The following GULP1 variants were observed in gnomAD, a reference collection of about 807,000 sequenced individuals.
GULP1 encodes the protein PTB domain-containing engulfment adapter protein 1.
A neutral mutation model predicts 40.9 loss-of-function variants in GULP1; 19 were observed. The ratio of observed to expected loss-of-function variants is 0.46; its 90% CI spans 0.32 to 0.68. GULP1 has a LOEUF of 0.68. Ranked by LOEUF, GULP1 falls within the 30% of genes least tolerant of loss-of-function variation. GULP1 has a pLI of 0.03. For synonymous variants in GULP1, 119 were observed against 117.6 expected, an observed-to-expected ratio of 1.01 and a Z score of -0.08; for missense variants, 312 against 362.2, an observed-to-expected ratio of 0.86 and a Z score of 1.12.
chr2:188,464,305 T>A (rs1339162815), intron 2 of GULP1, among the ~76,000 whole-genome samples: 1 of 152,176 alleles, frequency 6.6e-6, no homozygotes, highest in East Asian at 1.9e-4. Flanking sequence ...CCCAAAGAAT[T>A]CTCTGGATTA....
At chr2:188,324,263 T>C (rs1417147774) in intron 1 of GULP1, among the ~76,000 whole-genome samples, 2 of 152,066 alleles carry the variant, frequency 1.3e-5, no homozygotes, top group Admixed American at 1.3e-4. Context: ...ACTAAATGAG[T>C]AAATGACTGA....
chr2:188,334,173 A>G (rs2041972620), intron 1 of GULP1, among the ~76,000 whole-genome samples: 1 of 152,242 alleles, frequency 6.6e-6, no homozygotes, highest in African/African-American at 2.4e-5. Context: ...GTAGAATTAC[A>G]TGCTCTTTTG....
At chr2:188,324,586 G>A (rs751882832) in intron 1 of GULP1, among the ~76,000 whole-genome samples, 10 of 151,502 alleles carry the variant, frequency 6.6e-5, no homozygotes, top group South Asian at 2.1e-4. Flanking sequence ...ATTTAAATTG[G>A]TATTTAAGAA....
In GULP1 at chr2:188,422,405, CAT is replaced by C. The variant is rs144618546; in HGVS notation, c.-45+38531_-45+38532del. ...GTATATGTATACACACACACATATA[CAT>C]ATATATATATATATTCATAATTAAA... On this transcript the variant is annotated intron_variant, in intron 2 of 11. Coordinates refer to ENST00000409830, the MANE Select transcript of GULP1 (RefSeq NM_016315.4). Among the ~76,000 whole-genome samples, 1,030 of 148,122 alleles carry C rather than the reference CAT, an allele frequency of 7.0e-3. 8 individuals carry two copies. The highest frequency in any genetic ancestry group is 0.021 in the African/African-American group (864 of 40,730).
At chr2:188,311,480 G>C (rs1183852576) in intron 1 of GULP1, among the ~76,000 whole-genome samples, 2 of 152,132 alleles carry the variant, frequency 1.3e-5, no homozygotes, top group East Asian at 3.8e-4. Context: ...ATAGGCGTGA[G>C]CCACCATGCA....
At position 188,594,069 on chromosome 2, in the gene GULP1, A is replaced by G. The variant is rs1704107439; in HGVS notation, c.*58A>G. On this transcript the variant is annotated 3_prime_UTR_variant, in exon 12 of 12. Transcript: ENST00000409830. Reference sequence around the variant, plus strand: ...ATGTGTTTGTATACACATGTCATTTATTATTATTACTTTAAGATAGGTATT... The same window carrying G: ...ATGTGTTTGTATACACATGTCATTTGTTATTATTACTTTAAGATAGGTATT... 13 of 878,636 alleles carry G rather than the reference A, an allele frequency of 1.5e-5. No individual in the cohort carries two copies. In the South Asian group the frequency reaches 1.9e-4, roughly 13 times the overall value. The allele number at this position is 878,636 out of a possible 1,614,324, so 54.4% of individuals were successfully genotyped here.
intron 2 of GULP1, among the ~76,000 whole-genome samples, chr2:188,450,316 C>T (rs746042861): frequency 7.2e-5 from 11 of 152,036 alleles, no homozygotes; most frequent in Non-Finnish European, 1.2e-4. Flanking sequence ...TGTATGTAAT[C>T]ACTCTAGGTT....
At chr2:188,569,507 C>T in intron 8 of GULP1, 152 bp downstream of exon 8, 1 of 642,904 alleles carries the variant, frequency 1.6e-6, no homozygotes, top group South Asian at 1.7e-5. Context: ...ATTTTTCGTT[C>T]CTGATCCCCT....
intron 1 of GULP1, among the ~76,000 whole-genome samples, chr2:188,335,164 A>G (rs1281445001): frequency 6.6e-6 from 1 of 152,236 alleles, no homozygotes; most frequent in Non-Finnish European, 1.5e-5. Flanking sequence ...TTAGTGCCAG[A>G]CTAGAAAGGT....
At chr2:188,535,286 A>C (rs973976012) in intron 6 of GULP1, among the ~76,000 whole-genome samples, 1 of 152,068 alleles carries the variant, frequency 6.6e-6, no homozygotes, top group African/African-American at 2.4e-5. Flanking sequence ...TGATTCCATC[A>C]CCCAGATAGT....
chr2:188,431,543 T>C (rs1441509882), intron 2 of GULP1, among the ~76,000 whole-genome samples: 2 of 152,150 alleles, frequency 1.3e-5, no homozygotes, highest in African/African-American at 4.8e-5. Flanking sequence ...AGTAAAGAAA[T>C]CTTGTTATAC....
intron 1 of GULP1, among the ~76,000 whole-genome samples, chr2:188,322,559 C>T (rs1348574802): frequency 6.6e-6 from 1 of 152,068 alleles, no homozygotes; most frequent in African/African-American, 2.4e-5. Flanking sequence ...TATTCTTTTA[C>T]CAGGTATTTC....
At chr2:188,415,426 A>G (rs1011765239) in intron 2 of GULP1, among the ~76,000 whole-genome samples, 5 of 152,134 alleles carry the variant, frequency 3.3e-5, no homozygotes, top group African/African-American at 1.2e-4. Flanking sequence ...GAAAAGTTTA[A>G]TGGTAATTCC....
At chr2:188,560,484 T>C (rs1233721550) in intron 7 of GULP1, among the ~76,000 whole-genome samples, 1 of 152,218 alleles carries the variant, frequency 6.6e-6, no homozygotes, top group Non-Finnish European at 1.5e-5. Context: ...TTTCCCATCT[T>C]CTGAGCCCTT....
At chr2:188,524,728 C>G (rs2153229062) in intron 5 of GULP1, among the ~76,000 whole-genome samples, 1 of 150,058 alleles carries the variant, frequency 6.7e-6, no homozygotes, top group South Asian at 2.1e-4. Flanking sequence ...GGTGGTGTGG[C>G]TCTACTAAAA....
intron 4 of GULP1, among the ~76,000 whole-genome samples, chr2:188,510,348 T>G (rs1421907970): frequency 6.6e-6 from 1 of 152,090 alleles, no homozygotes; most frequent in Non-Finnish European, 1.5e-5. Flanking sequence ...TTTTAACTAA[T>G]TTTGTGATCA....
chr2:188,501,441 A>G (rs2063426604), intron 4 of GULP1, among the ~76,000 whole-genome samples: 1 of 151,976 alleles, frequency 6.6e-6, no homozygotes, highest in Non-Finnish European at 1.5e-5. Context: ...TAAATTACTC[A>G]GTCTCAGATA....
intron 1 of GULP1, among the ~76,000 whole-genome samples, chr2:188,343,239 G>A (rs2043195154): frequency 6.6e-6 from 1 of 152,126 alleles, no homozygotes; most frequent in Non-Finnish European, 1.5e-5. Context: ...TAGCCTTGGA[G>A]AGGATAATTC....
chr2:188,556,894 G>T (rs1318045529), intron 7 of GULP1, among the ~76,000 whole-genome samples: 2 of 152,008 alleles, frequency 1.3e-5, no homozygotes, highest in African/African-American at 2.4e-5. Context: ...TGTGGTGGCG[G>T]GTGCCTGTAG....
Sources: gnomAD v4.1 joint callset for allele counts (sites outside exome capture counted in the v4.1 genomes callset) on GRCh38, gnomAD v4.1.1 for gene constraint, MANE v1.5 for transcripts, NCBI Gene and HGNC (gene_info 2026-07-23, HGNC 2026-07-21) for gene names.